Variants in SGMS1 observed in about 807,000 individuals in gnomAD.
The protein encoded by SGMS1 is phosphatidylcholine:ceramide cholinephosphotransferase 1.
In SGMS1, 13 loss-of-function variants were observed where a neutral mutation model predicts 46.2. That is an observed-to-expected ratio of 0.28 (90% CI 0.18 to 0.45). The LOEUF is 0.45. SGMS1 is among the 20% of genes least tolerant of loss of function. The probability of loss-of-function intolerance (pLI) is 1.00; values close to 1 mark genes in which losing one functional copy is unlikely to be tolerated. For missense variants in SGMS1, 324 were observed against 519.9 expected (o/e 0.62, Z 3.66); for synonymous variants, 203 against 187.8 (o/e 1.08, Z -0.66).
chr10:50,479,711 C>A (rs1046574063), intron 3 of SGMS1, among the ~76,000 whole-genome samples: 2 of 151,962 alleles, frequency 1.3e-5, no homozygotes, highest in Non-Finnish European at 2.9e-5. Flanking sequence ...CATTTTGAAA[C>A]ATTTCTTACT....
intron 6 of SGMS1, among the ~76,000 whole-genome samples, chr10:50,404,529 C>T (rs1379101990): frequency 6.6e-6 from 1 of 151,896 alleles, no homozygotes; most frequent in South Asian, 2.1e-4. Context: ...CTTGAGCCCA[C>T]GAGTTTGAGG....
intron 2 of SGMS1, among the ~76,000 whole-genome samples, chr10:50,536,138 A>T (rs1448877306): frequency 4.6e-5 from 7 of 152,086 alleles, no homozygotes; most frequent in African/African-American, 1.7e-4. Context: ...GTTTGAGACC[A>T]GCCTGGGCAA....
chr10:50,361,097 C>T (rs987495340), intron 6 of SGMS1, among the ~76,000 whole-genome samples: 1 of 152,168 alleles, frequency 6.6e-6, no homozygotes, highest in Non-Finnish European at 1.5e-5. Flanking sequence ...AGAAAACTGA[C>T]ATGGAATTTA....
At chr10:50,527,586 C>G (rs1588865519) in intron 2 of SGMS1, among the ~76,000 whole-genome samples, 1 of 152,006 alleles carries the variant, frequency 6.6e-6, no homozygotes, top group African/African-American at 2.4e-5. Context: ...TAGACGTGTC[C>G]GCTAAGAACT....
At chr10:50,535,061 G>A (rs1465475397) in intron 2 of SGMS1, among the ~76,000 whole-genome samples, 2 of 152,004 alleles carry the variant, frequency 1.3e-5, no homozygotes, top group Non-Finnish European at 1.5e-5. Flanking sequence ...TGGTGAAACC[G>A]TCTCTACTAA....
chr10:50,450,722 C>G (rs905188903), intron 5 of SGMS1, among the ~76,000 whole-genome samples: 3 of 151,712 alleles, frequency 2.0e-5, no homozygotes, highest in Admixed American at 2.0e-4. Flanking sequence ...TTAAAAAACC[C>G]AGTACAAAAA....
At chr10:50,541,229 C>T (rs1166595189) in intron 2 of SGMS1, among the ~76,000 whole-genome samples, 2 of 152,152 alleles carry the variant, frequency 1.3e-5, no homozygotes, top group Non-Finnish European at 2.9e-5. Context: ...AATACTTATG[C>T]TGTTATACTC....
chr10:50,363,033 T>C (rs1354503571), intron 6 of SGMS1, among the ~76,000 whole-genome samples: 2 of 152,170 alleles, frequency 1.3e-5, no homozygotes, highest in African/African-American at 4.8e-5. Context: ...CACATCTTTT[T>C]TGGGGGGTGA....
chr10:50,312,754 T>A (rs1564871078), intron 8 of SGMS1, among the ~76,000 whole-genome samples: 1 of 152,210 alleles, frequency 6.6e-6, no homozygotes, highest in African/African-American at 2.4e-5. Context: ...TATACTCTTT[T>A]CCAGGAATCA....
At chr10:50,318,866 G>T (rs1397093639) in intron 8 of SGMS1, among the ~76,000 whole-genome samples, 1 of 151,988 alleles carries the variant, frequency 6.6e-6, no homozygotes, top group Non-Finnish European at 1.5e-5. Context: ...TAGGGATAGG[G>T]GGTGTCTCTA....
At chr10:50,493,705 GA>G (rs145224963) in intron 3 of SGMS1, among the ~76,000 whole-genome samples, 56 of 146,108 alleles carry the variant, frequency 3.8e-4, no homozygotes, top group Middle Eastern at 3.5e-3. Flanking sequence ...ACAATCATAT[GA>G]AAAAAAAAAA....
intron 8 of SGMS1, among the ~76,000 whole-genome samples, chr10:50,320,490 T>C (rs952308530): frequency 1.3e-5 from 2 of 152,176 alleles, no homozygotes; most frequent in East Asian, 3.8e-4. Flanking sequence ...TACCCTACTA[T>C]CTCTATCAAT....
At chr10:50,624,106 C>G (rs1838888239), upstream of SGMS1, 9 of 985,238 alleles carry the variant, frequency 9.1e-6, no homozygotes, top group Non-Finnish European at 1.1e-5. Context: ...GACCCCGAAC[C>G]AAGGGACAGT....
At chr10:50,430,855 G>A (rs755938596) in intron 6 of SGMS1, among the ~76,000 whole-genome samples, 19 of 151,828 alleles carry the variant, frequency 1.3e-4, no homozygotes, top group Admixed American at 7.2e-4. Flanking sequence ...GAAATGTATC[G>A]TCAAAAGCAA....
intron 3 of SGMS1, among the ~76,000 whole-genome samples, chr10:50,500,257 C>T (rs1837651412): frequency 6.6e-6 from 1 of 152,106 alleles, no homozygotes; most frequent in African/African-American, 2.4e-5. Context: ...TTTTATCAGG[C>T]TTCTCATTTA....
intron 3 of SGMS1, among the ~76,000 whole-genome samples, chr10:50,485,764 G>A (rs541258083): frequency 1.1e-4 from 17 of 152,150 alleles, no homozygotes; most frequent in Non-Finnish European, 2.2e-4. Flanking sequence ...GCCAGGTGGG[G>A]TGGTGCACAC....
intron 6 of SGMS1, among the ~76,000 whole-genome samples, chr10:50,406,704 C>CTTTTTTTTTTTTTTTTTTTTT (rs11424535): frequency 6.9e-6 from 1 of 145,034 alleles, no homozygotes; most frequent in Non-Finnish European, 1.5e-5. Context: ...AGCTATAATT[C>CTTTTTTTTTTTTTTTTTTTTT]TTTTTTTTTT....
intron 6 of SGMS1, among the ~76,000 whole-genome samples, chr10:50,403,571 G>C (rs1013238060): frequency 4.0e-5 from 6 of 151,836 alleles, no homozygotes; most frequent in African/African-American, 1.5e-4. Context: ...TGCTACCCTA[G>C]GTGCTCAGGA....
intron 2 of SGMS1, among the ~76,000 whole-genome samples, chr10:50,544,221 C>A (rs1255081320): frequency 3.3e-5 from 5 of 152,204 alleles, no homozygotes; most frequent in African/African-American, 1.2e-4. Context: ...ATCCTCCCAG[C>A]AACTCTGAGG....
Sources: allele counts gnomAD v4.1 joint callset (sites outside exome capture counted in the v4.1 genomes callset), GRCh38; gene constraint gnomAD v4.1.1; transcripts MANE v1.5; gene names NCBI Gene and HGNC (gene_info 2026-07-23, HGNC 2026-07-21).